ADD1: variants seen among roughly 807,000 people sequenced by gnomAD.
ADD1 encodes alpha-adducin.
A neutral mutation model predicts 80.5 loss-of-function variants in ADD1; 24 were observed. The ratio of observed to expected loss-of-function variants is 0.30; its 90% confidence interval spans 0.22 to 0.42. The LOEUF is 0.42. Ranked by LOEUF, ADD1 falls within the 10% of genes least tolerant of loss-of-function variation. ADD1 has a pLI of 1.00. For synonymous variants in ADD1, 373 were observed against 393.8 expected (o/e 0.95, Z 0.63); for missense variants, 948 against 1,019.0 (o/e 0.93, Z 0.95).
At chr4:2,893,031 C>A (rs1052922203) in intron 4 of ADD1, among the ~76,000 whole-genome samples, 5 of 151,994 alleles carry the variant, frequency 3.3e-5, no homozygotes, top group African/African-American at 1.2e-4. Flanking sequence ...ATTCTCGTGC[C>A]TCAGCCACCT....
chr4:2,868,577 C>G (rs2108856252), intron 1 of ADD1, among the ~76,000 whole-genome samples: 1 of 152,334 alleles, frequency 6.6e-6, no homozygotes. Flanking sequence ...TTAGATGTCC[C>G]TTGTGGCAAA....
chr4:2,861,152 G>A (rs1230114662), intron 1 of ADD1, among the ~76,000 whole-genome samples: 1 of 152,234 alleles, frequency 6.6e-6, no homozygotes, highest in African/African-American at 2.4e-5. Flanking sequence ...GCAGGAAGGG[G>A]CTGGGAGTGT....
chr4:2,856,634 C>G (rs546376380), intron 1 of ADD1, among the ~76,000 whole-genome samples: 5 of 135,732 alleles, frequency 3.7e-5, no homozygotes, highest in African/African-American at 8.3e-5. Context: ...CTCCGTTGCT[C>G]AGGCTGGAGT....
rs371578977 is a variant in ADD1 at position 2,864,337 on chromosome 4, C to T, written c.-20-11559C>T. ...CTGAGGCAGGAGAATTGCTTGAACCCGGGAGGCGGAGGTTGCAGTGAGCCA... is the reference window on the plus strand; with the variant it reads ...CTGAGGCAGGAGAATTGCTTGAACCTGGGAGGCGGAGGTTGCAGTGAGCCA... On this transcript the variant is annotated intron_variant, in intron 1 of 15. Coordinates refer to ENST00000683351, the MANE Select transcript of ADD1 (RefSeq NM_001354761.2). Among the ~76,000 whole-genome samples the T allele has an allele frequency of 1.2e-3, 185 of 152,204 alleles. 4 individuals carry two copies. In the South Asian group the frequency reaches 0.036, roughly 29 times the overall value.
chr4:2,911,099 G>T (rs1434367400), intron 13 of ADD1, among the ~76,000 whole-genome samples: 1 of 152,120 alleles, frequency 6.6e-6, no homozygotes, highest in African/African-American at 2.4e-5. Flanking sequence ...GGAACATGGA[G>T]CTGCATGTTG....
chr4:2,926,496 C>G lies in ADD1; in HGVS notation c.2047+384C>G, dbSNP rs34209081. 3 of 840,644 alleles carry G rather than the reference C, an allele frequency of 3.6e-6. No homozygotes were observed. Among genetic ancestry groups the G allele is most frequent in the Non-Finnish European group, 5.8e-6 (3 of 515,140 alleles). The allele number at this position is 840,644 out of a possible 1,614,324, so 52.1% of individuals were successfully genotyped here. A position where few individuals can be genotyped will look rare whatever the true frequency, so the allele number is the denominator to read the frequency against. On this transcript the variant is annotated intron_variant, in intron 15 of 15. Coordinates refer to ENST00000683351, the MANE Select transcript of ADD1 (RefSeq NM_001354761.2). The surrounding 1 kb of genome is among the most constrained non-coding windows in gnomAD (Gnocchi z 5.0). The stretch of plus-strand genomic sequence containing the variant: ...ACCGTGTGTCTGTGGTGTGTGATCC[C>G]GGGTGTCTGTCCCTCGGTCTCGTAC...
intron 1 of ADD1, among the ~76,000 whole-genome samples, chr4:2,850,795 C>G (rs556779105): frequency 6.6e-6 from 1 of 152,136 alleles, no homozygotes; most frequent in East Asian, 1.9e-4. Flanking sequence ...GTCTTGAACT[C>G]CTGACCTCAA....
intron 3 of ADD1, 114 bp from the exon 4 acceptor site, chr4:2,884,401 C>G (rs898163169): frequency 2.1e-5 from 16 of 766,812 alleles, no homozygotes; most frequent in Non-Finnish European, 3.2e-5. Flanking sequence ...ATCATAAGCA[C>G]TACAGCCTCA....
At chr4:2,894,220 C>G in intron 5 of ADD1, 127 bp downstream of exon 5, 1 of 763,422 alleles carries the variant, frequency 1.3e-6, no homozygotes. Context: ...GTGGTGTGTT[C>G]AGTTAGAGAA....
rs766033361 is a variant in ADD1 at position 2,904,827 on chromosome 4, G to A, written c.1225G>A (p.Asp409Asn). Reference protein sequence around the residue: ...ALREKSKKYSDVEVPASVTGY... With the variant: ...ALREKSKKYSNVEVPASVTGY... Reference sequence around the variant, plus strand: ...GAGAGAGAAGTCTAAAAAATACAGCGATGTGGAGGTTCCTGCTAGTGTCAC... The same window carrying A: ...GAGAGAGAAGTCTAAAAAATACAGCAATGTGGAGGTTCCTGCTAGTGTCAC... The change falls in exon 10 of 16, where the codon GAT becomes AAT. Residue 409 changes from aspartate (D) to asparagine (N), a missense_variant. Coordinates refer to ENST00000683351, the MANE Select transcript of ADD1 (RefSeq NM_001354761.2). The A allele has an allele frequency of 5.0e-6, 8 of 1,614,030 alleles. No individual in the cohort carries two copies. In the African/African-American group the frequency reaches 6.7e-5, roughly 13 times the overall value.
chr4:2,906,389 A>G (rs1490584634), intron 10 of ADD1, among the ~76,000 whole-genome samples: 1 of 150,244 alleles, frequency 6.7e-6, no homozygotes, highest in Non-Finnish European at 1.5e-5. Flanking sequence ...TGGGCGTTAT[A>G]AAACAAAAAA....
At chr4:2,914,399 C>T (rs1021858187) in intron 13 of ADD1, among the ~76,000 whole-genome samples, 12 of 152,242 alleles carry the variant, frequency 7.9e-5, no homozygotes, top group South Asian at 4.1e-4. Flanking sequence ...TAGTTACAAA[C>T]TAACCACAGT....
At position 2,928,674 on chromosome 4, in the gene ADD1, C is replaced by T. The variant is rs1553855659; in HGVS notation, c.*151C>T. The stretch of plus-strand genomic sequence containing the variant: ...TCACGTGACCAGCCCCGTGTAGCCC[C>T]GGGCTGACCCAGTGTGTGCTCAGCA... On this transcript the variant is annotated 3_prime_UTR_variant, in exon 16 of 16. Transcript: ENST00000683351. 6 of 778,228 alleles carry T rather than the reference C, an allele frequency of 7.7e-6. No homozygotes were observed. The highest frequency in any genetic ancestry group is 1.8e-5 in the South Asian group (1 of 54,754). 48.2% of individuals were successfully genotyped at this position (778,228 alleles called of 1,614,324 possible).
intron 10 of ADD1, among the ~76,000 whole-genome samples, chr4:2,906,703 G>A (rs745394866): frequency 6.6e-6 from 1 of 152,326 alleles, no homozygotes; most frequent in African/African-American, 2.4e-5. Flanking sequence ...TGAGGTTGCT[G>A]TTTGAAATGC....
At chr4:2,905,566 C>G (rs1196202853) in intron 10 of ADD1, 1 of 179,498 alleles carries the variant, frequency 5.6e-6, no homozygotes, top group African/African-American at 2.4e-5. Context: ...TTGTGGCTCC[C>G]TGGCGTGTTC....
rs1306443017 is a variant in ADD1 at position 2,876,838 on chromosome 4, C to A, written c.195+728C>A. Among the ~76,000 whole-genome samples the A allele has an allele frequency of 1.5e-3, 197 of 128,070 alleles. 1 individual carries two copies. Among genetic ancestry groups the A allele is most frequent in the Admixed American group, 4.3e-3 (54 of 12,502 alleles). The allele number at this position is 128,070 out of a possible 152,430, so 84.0% of individuals were successfully genotyped here. ...TGGGTGACATAGAGAGACTCCGTCC[C>A]AAAAAAAAAAAAAATTAGCCGGGCA... On this transcript the variant is annotated intron_variant, in intron 2 of 15. Coordinates refer to ENST00000683351, the MANE Select transcript of ADD1 (RefSeq NM_001354761.2).
intron 14 of ADD1, among the ~76,000 whole-genome samples, chr4:2,924,716 A>G (rs901537753): frequency 1.3e-5 from 2 of 152,098 alleles, no homozygotes; most frequent in Non-Finnish European, 2.9e-5. Flanking sequence ...GCTATTTACT[A>G]TTCAGGCCGC....
intron 6 of ADD1, among the ~76,000 whole-genome samples, chr4:2,896,745 C>G (rs560174188): frequency 1.3e-5 from 2 of 152,152 alleles, no homozygotes; most frequent in South Asian, 4.2e-4. Flanking sequence ...TTATGAACAG[C>G]TATCACGTAA....
At chr4:2,902,090 T>G (rs2109046157) in intron 9 of ADD1, 1 of 152,222 alleles carries the variant, frequency 6.6e-6, no homozygotes, top group Admixed American at 6.5e-5. Context: ...CAGATAGTAG[T>G]TCTGAGGTCT....
Sources: allele counts gnomAD v4.1 joint callset (sites outside exome capture counted in the v4.1 genomes callset), GRCh38; gene constraint gnomAD v4.1.1; non-coding constraint Gnocchi (gnomAD v3.1); transcripts MANE v1.5; gene names NCBI Gene and HGNC (gene_info 2026-07-23, HGNC 2026-07-21).